Variants in MYO5A observed in about 807,000 individuals in gnomAD.
MYO5A encodes the protein myosin VA.
MYO5A carries 98 observed loss-of-function variants against 249.7 expected under a neutral mutation model. That is an observed-to-expected ratio of 0.39 (90% CI 0.33 to 0.46). The LOEUF (loss-of-function observed/expected upper bound fraction) is 0.46. Ranked by LOEUF, MYO5A falls within the 20% of genes least tolerant of loss-of-function variation. The pLI, the probability that MYO5A is intolerant of heterozygous loss-of-function variation, is 0.98. For synonymous variants in MYO5A, 778 were observed against 810.6 expected (o/e 0.96, Z 0.68); for missense variants, 1,696 against 2,308.8 (o/e 0.73, Z 5.44).
At chr15:52,477,385 C>G (rs535877073) in intron 1 of MYO5A, among the ~76,000 whole-genome samples, 1 of 152,176 alleles carries the variant, frequency 6.6e-6, no homozygotes, top group Non-Finnish European at 1.5e-5. Flanking sequence ...TCTTCCGAAG[C>G]CTTCTTCTCT....
chr15:52,395,408 C>T (rs2042446597), intron 11 of MYO5A, among the ~76,000 whole-genome samples: 1 of 152,192 alleles, frequency 6.6e-6, no homozygotes, highest in Admixed American at 6.5e-5. Context: ...ACCACTTGAC[C>T]TCTCTCTTTA....
At chr15:52,315,395 T>A (rs182745477) in intron 40 of MYO5A, among the ~76,000 whole-genome samples, 14 of 147,534 alleles carry the variant, frequency 9.5e-5, no homozygotes, top group African/African-American at 3.5e-4. Context: ...GTCTACTGAT[T>A]GACTTTTTTT....
At chr15:52,330,264 G>A (rs1320023264) in intron 35 of MYO5A, 89 bp downstream of exon 35, 29 of 1,530,166 alleles carry the variant, frequency 1.9e-5, no homozygotes, top group Non-Finnish European at 2.4e-5. Context: ...TGAAACCTAC[G>A]CTGAATATCT....
chr15:52,396,318 T>C lies in MYO5A; in HGVS notation c.1399A>G (p.Met467Val). The change falls in exon 11 of 42, where the codon ATG (methionine) becomes GTG (valine). Residue 467 changes from methionine to valine, a missense_variant and splice_region_variant. This residue lies in a region of MYO5A where 277 missense variants were observed against 422.4 expected (regional missense o/e 0.66). Transcript: ENST00000399233. ...TATTCAAGGAAGAACATTCTTACCATATTGAATTGTTGCTGTAGTTTTTCA... is the reference window on the plus strand; with the variant it reads ...TATTCAAGGAAGAACATTCTTACCACATTGAATTGTTGCTGTAGTTTTTCA... ...ANEKLQQQFN[M>V]HVFKLEQEEY... is the part of the protein sequence containing the mutation. 6.7e-7 allele frequency: 1 copy of C among 1,493,916 alleles called. No homozygotes were observed. The highest frequency in any genetic ancestry group is 9.3e-7 in the Non-Finnish European group (1 of 1,074,648). The allele number at this position is 1,493,916 out of a possible 1,614,324, so 92.5% of individuals were successfully genotyped here.
chr15:52,444,993 C>T (rs1477075919), intron 1 of MYO5A, among the ~76,000 whole-genome samples: 2 of 152,172 alleles, frequency 1.3e-5, no homozygotes, highest in Non-Finnish European at 2.9e-5. Flanking sequence ...GTATTTCCCT[C>T]CCACTTATAA....
intron 1 of MYO5A, among the ~76,000 whole-genome samples, chr15:52,512,552 G>C (rs2077413795): frequency 6.6e-6 from 1 of 151,832 alleles, no homozygotes; most frequent in South Asian, 2.1e-4. Flanking sequence ...AGACAAGAAG[G>C]ACATACATCA....
intron 21 of MYO5A, 49 bp from the exon 22 acceptor site, chr15:52,370,466 A>G: frequency 2.6e-6 from 4 of 1,545,176 alleles, no homozygotes; most frequent in Non-Finnish European, 3.6e-6. Context: ...ATATCATCAA[A>G]TGTATTTAGT....
In MYO5A at chr15:52,330,570, A is replaced by G. The variant is rs970243881; in HGVS notation, c.4409-71T>C. The G allele has an allele frequency of 5.1e-5, 79 of 1,545,214 alleles. No homozygotes were observed. The Admixed American group carries it at 1.3e-3, about 25-fold the overall frequency. Reference sequence around the variant, plus strand: ...AAACATGAGAGGTCTCCAAGTTCCTATAATTTTGAATGCATTCTACAACAA... The same window carrying G: ...AAACATGAGAGGTCTCCAAGTTCCTGTAATTTTGAATGCATTCTACAACAA... On this transcript the variant is annotated intron_variant, in intron 34 of 41. Coordinates refer to ENST00000399233, the MANE Select transcript of MYO5A (RefSeq NM_001382347.1).
intron 18 of MYO5A, among the ~76,000 whole-genome samples, chr15:52,376,973 G>GA (rs2041449248): frequency 1.3e-5 from 2 of 152,132 alleles, no homozygotes; most frequent in African/African-American, 2.4e-5. Flanking sequence ...CCAGTGTGAA[G>GA]AATAAGGCAG....
chr15:52,390,875 T>G (rs1451045233), intron 12 of MYO5A, among the ~76,000 whole-genome samples: 1 of 152,112 alleles, frequency 6.6e-6, no homozygotes, highest in Non-Finnish European at 1.5e-5. Context: ...TAACTCTCTT[T>G]GAAGGCATGT....
intron 1 of MYO5A, among the ~76,000 whole-genome samples, chr15:52,485,973 C>T (rs1340177592): frequency 2.0e-5 from 3 of 152,166 alleles, no homozygotes; most frequent in African/African-American, 7.2e-5. Context: ...TAATTATCAC[C>T]GTAAACAAGC....
chr15:52,381,156 C>T lies in MYO5A; in HGVS notation c.2013-1248G>A, dbSNP rs3794562. 5.3e-4 allele frequency among the ~76,000 whole-genome samples: 78 copies of T among 146,148 alleles called. 1 individual carries two copies. In the East Asian group the frequency reaches 7.6e-3, roughly 14 times the overall value. Reference sequence around the variant, plus strand: ...ATAGTTAAGTTCTGAGCGATCCATCCGGGCCTCCCCTGTGCTATCTTCTCA... The same window carrying T: ...ATAGTTAAGTTCTGAGCGATCCATCTGGGCCTCCCCTGTGCTATCTTCTCA... On this transcript the variant is annotated intron_variant, in intron 16 of 41. Transcript: ENST00000399233.
rs2414147 is a variant in MYO5A, at chr15:52,384,515, C to T, written c.1753-193G>A. Among the ~76,000 whole-genome samples, 139,431 of 152,200 alleles carry T rather than the reference C, an allele frequency of 0.92. 65,069 individuals are homozygous for T. The highest frequency in any genetic ancestry group is 1 in the East Asian group (5,189 of 5,192). ...AGGTAAGTGCTATACAAAAATAACA[C>T]GGAAAAATGCAATAATTCTACAACC... On this transcript the variant is annotated intron_variant, in intron 14 of 41. Coordinates refer to ENST00000399233, the MANE Select transcript of MYO5A (RefSeq NM_001382347.1).
intron 1 of MYO5A, among the ~76,000 whole-genome samples, chr15:52,497,905 A>G (rs1238229863): frequency 6.6e-6 from 1 of 152,066 alleles, no homozygotes; most frequent in Non-Finnish European, 1.5e-5. Context: ...TAAATGAAAA[A>G]TAATAAAAAT....
chr15:52,523,482 G>A (rs1320532309), intron 1 of MYO5A, among the ~76,000 whole-genome samples: 2 of 152,128 alleles, frequency 1.3e-5, no homozygotes, highest in Non-Finnish European at 2.9e-5. Context: ...TGTAACACTG[G>A]GCTAGGCTCT....
intron 34 of MYO5A, among the ~76,000 whole-genome samples, chr15:52,335,315 A>G (rs1401844964): frequency 4.6e-5 from 7 of 152,114 alleles, no homozygotes. Context: ...CAGGAGTTCG[A>G]GATCAGCCTG....
intron 5 of MYO5A, among the ~76,000 whole-genome samples, chr15:52,413,147 C>CAAAAAAAAAAAAAA (rs767059579): frequency 1.5e-5 from 1 of 66,166 alleles, no homozygotes; most frequent in Non-Finnish European, 3.0e-5. Context: ...AACTCTGTCT[C>CAAAAAAAAAAAAAA]AAAAAAAAAA....
rs186653249 is a variant in MYO5A at position 52,336,736 on chromosome 15, T to C, written c.4315-180A>G. On this transcript the variant is annotated intron_variant, in intron 33 of 41. Coordinates refer to ENST00000399233, the MANE Select transcript of MYO5A (RefSeq NM_001382347.1). ...GGAAATGCAGCTACAATAAAAGCCA[T>C]ATGTTAAAATATACAACGCAGTAAA... Among the ~76,000 whole-genome samples, 25 of 152,286 alleles carry C rather than the reference T, an allele frequency of 1.6e-4. No individual in the cohort carries two copies. The East Asian group carries it at 4.6e-3, about 28-fold the overall frequency.
At chr15:52,356,919 A>G (rs8028033) in intron 25 of MYO5A, among the ~76,000 whole-genome samples, 71,103 of 151,304 alleles carry the variant, frequency 0.47, 20,435 homozygotes, top group Non-Finnish European at 0.62. Context: ...AGAAGAATCA[A>G]CTGAACAAAA....
Sources: allele counts gnomAD v4.1 joint callset (sites outside exome capture counted in the v4.1 genomes callset), GRCh38; gene constraint gnomAD v4.1.1; regional missense constraint gnomAD v4.1.1; transcripts MANE v1.5; gene names NCBI Gene and HGNC (gene_info 2026-07-23, HGNC 2026-07-21).